The following RIPOR2 variants were observed in gnomAD, a reference collection of about 807,000 sequenced individuals.
RIPOR2 encodes rho family-interacting cell polarization regulator 2.
In RIPOR2, 39 loss-of-function variants were observed where a neutral mutation model predicts 114.5. That is an observed-to-expected ratio of 0.34 (90% CI 0.26 to 0.44). The LOEUF (loss-of-function observed/expected upper bound fraction) is 0.44. Ranked by LOEUF, RIPOR2 falls within the 20% of genes least tolerant of loss-of-function variation. The probability of loss-of-function intolerance (pLI) is 1.00; values close to 1 mark genes in which losing one functional copy is unlikely to be tolerated. For synonymous variants in RIPOR2, 445 were observed against 484.4 expected, an observed-to-expected ratio of 0.92 and a Z score of 1.07; for missense variants, 1,007 against 1,255.1, an observed-to-expected ratio of 0.80 and a Z score of 2.99.
chr6:24,993,618 G>A (rs919953948), intron 1 of RIPOR2, among the ~76,000 whole-genome samples: 13 of 152,240 alleles, frequency 8.5e-5, no homozygotes, highest in Admixed American at 1.3e-4. Context: ...GTGTGTGTGC[G>A]TGCACACATG....
At chr6:24,916,453 T>A (rs1415841711) in intron 1 of RIPOR2, among the ~76,000 whole-genome samples, 1 of 152,214 alleles carries the variant, frequency 6.6e-6, no homozygotes. Flanking sequence ...TATAGGATAG[T>A]AACCTCTATA....
At chr6:24,810,310 A>G (rs1781060381) in intron 20 of RIPOR2, among the ~76,000 whole-genome samples, 1 of 152,038 alleles carries the variant, frequency 6.6e-6, no homozygotes, top group Non-Finnish European at 1.5e-5. Context: ...TCCACAGCAC[A>G]CTCCTGGTCT....
At chr6:24,885,425 T>C (rs778617002) in intron 1 of RIPOR2, among the ~76,000 whole-genome samples, 1 of 152,028 alleles carries the variant, frequency 6.6e-6, no homozygotes, top group Non-Finnish European at 1.5e-5. Context: ...GATGTTGCTA[T>C]GCTGGCCAGG....
At chr6:25,030,474 G>T (rs1305214074) in intron 1 of RIPOR2, among the ~76,000 whole-genome samples, 1 of 152,124 alleles carries the variant, frequency 6.6e-6, no homozygotes, top group Non-Finnish European at 1.5e-5. Flanking sequence ...ATGCTTTTTG[G>T]TGATTAGAGT....
At chr6:25,012,244 G>C (rs1021209858) in intron 1 of RIPOR2, among the ~76,000 whole-genome samples, 4 of 152,218 alleles carry the variant, frequency 2.6e-5, no homozygotes. Context: ...TCTTGAGAAT[G>C]TGGAGAAATT....
chr6:24,921,682 A>C (rs1770510355), intron 1 of RIPOR2, among the ~76,000 whole-genome samples: 1 of 140,234 alleles, frequency 7.1e-6, no homozygotes, highest in Admixed American at 7.7e-5. Context: ...CTGTATTTTT[A>C]TAGGCTTGTC....
intron 1 of RIPOR2, among the ~76,000 whole-genome samples, chr6:25,002,367 A>G (rs377190253): frequency 1.8e-4 from 27 of 152,356 alleles, no homozygotes; most frequent in African/African-American, 6.5e-4. Context: ...TTAAGATAAC[A>G]ACCACCTGTT....
At chr6:24,836,239 A>G (rs767554689) in intron 14 of RIPOR2, among the ~76,000 whole-genome samples, 5 of 152,206 alleles carry the variant, frequency 3.3e-5, no homozygotes, top group Admixed American at 6.5e-5. Flanking sequence ...ATTGTCCTCT[A>G]TATTTGTGGT....
chr6:24,806,500 A>C, intron 21 of RIPOR2, 27 bp from the exon 22 acceptor site: 1 of 1,426,180 alleles, frequency 7.0e-7, no homozygotes, highest in South Asian at 1.3e-5. Flanking sequence ...AAACATGAAT[A>C]CCAATTCAAA....
At chr6:25,041,440 T>G (rs1268202106) in intron 1 of RIPOR2, among the ~76,000 whole-genome samples, 1 of 152,272 alleles carries the variant, frequency 6.6e-6, no homozygotes, top group Non-Finnish European at 1.5e-5. Flanking sequence ...TTTCACCTCA[T>G]CTAGCGACAC....
At chr6:24,821,569 G>GT (rs1316977822) in intron 19 of RIPOR2, among the ~76,000 whole-genome samples, 1 of 152,230 alleles carries the variant, frequency 6.6e-6, no homozygotes, top group African/African-American at 2.4e-5. Flanking sequence ...AACAAAAGCA[G>GT]TAACAGTAAC....
chr6:24,990,376 C>T (rs1335913511), intron 1 of RIPOR2, among the ~76,000 whole-genome samples: 2 of 152,144 alleles, frequency 1.3e-5, no homozygotes, highest in Non-Finnish European at 2.9e-5. Flanking sequence ...GAAGTCAATA[C>T]CAAAAGAGGA....
chr6:24,916,914 T>C (rs1028384122), intron 1 of RIPOR2, among the ~76,000 whole-genome samples: 1 of 152,180 alleles, frequency 6.6e-6, no homozygotes, highest in African/African-American at 2.4e-5. Context: ...CCCCCACTTC[T>C]AGCTTCCACA....
At chr6:25,020,933 G>A (rs918492694) in intron 1 of RIPOR2, among the ~76,000 whole-genome samples, 2 of 151,870 alleles carry the variant, frequency 1.3e-5, no homozygotes, top group African/African-American at 4.8e-5. Context: ...CTTGGCCCAC[G>A]GCAACCTCCG....
chr6:24,973,735 T>G (rs1422412077), intron 1 of RIPOR2, among the ~76,000 whole-genome samples: 3 of 152,026 alleles, frequency 2.0e-5, no homozygotes, highest in East Asian at 3.8e-4. Context: ...AAATATGGTA[T>G]ATATACACCA....
chr6:24,939,433 G>A (rs758982609), upstream of RIPOR2, among the ~76,000 whole-genome samples: 1 of 152,176 alleles, frequency 6.6e-6, no homozygotes, highest in Non-Finnish European at 1.5e-5. Flanking sequence ...CTCATATCAG[G>A]AAGAGGACCA....
In RIPOR2 at chr6:24,860,984, A is replaced by G. The variant is rs764881769; in HGVS notation, c.704T>C (p.Ile235Thr). The G allele has an allele frequency of 6.2e-7, 1 of 1,603,302 alleles. No homozygotes were observed. Among genetic ancestry groups the G allele is most frequent in the Admixed American group, 1.7e-5 (1 of 59,534 alleles). Residue 235 changes from isoleucine (I) to threonine (T), a missense_variant, in exon 8 of 22, where the codon ATC (isoleucine) becomes ACC (threonine). By Grantham distance (89) the Ile-to-Thr change is moderately conservative. Coordinates refer to ENST00000643898, the MANE Select transcript of RIPOR2 (RefSeq NM_001286445.3). Reference sequence around the variant, plus strand: ...AAGGAAAATAATACCTTTCATCTTGATGGAGAATTCTCCCAGCAGATTCTC... The same window carrying G: ...AAGGAAAATAATACCTTTCATCTTGGTGGAGAATTCTCCCAGCAGATTCTC... ...ELENLLGEFS[I>T]KMKGLAGFAR...
At chr6:24,822,670 C>G (rs1382544258) in intron 19 of RIPOR2, among the ~76,000 whole-genome samples, 1 of 152,164 alleles carries the variant, frequency 6.6e-6, no homozygotes, top group African/African-American at 2.4e-5. Context: ...AGGTGCCCAC[C>G]ACCACGCCCA....
intron 1 of RIPOR2, among the ~76,000 whole-genome samples, chr6:24,979,806 C>G (rs1204859867): frequency 6.6e-6 from 1 of 152,178 alleles, no homozygotes; most frequent in South Asian, 2.1e-4. Flanking sequence ...AATCCGGGTT[C>G]AAATCTCCAT....
Sources: allele counts gnomAD v4.1 joint callset (sites outside exome capture counted in the v4.1 genomes callset), GRCh38; gene constraint gnomAD v4.1.1; transcripts MANE v1.5; gene names NCBI Gene and HGNC (gene_info 2026-07-23, HGNC 2026-07-21).